PPARGC1A: variants seen among roughly 807,000 people sequenced by gnomAD.
PPARGC1A encodes the protein peroxisome proliferator-activated receptor gamma coactivator 1-alpha.
In PPARGC1A, 25 loss-of-function variants were observed where a neutral mutation model predicts 88.7. That is an observed-to-expected ratio of 0.28 (90% CI 0.21 to 0.39). The LOEUF is 0.39. Among genes scored for constraint, PPARGC1A ranks in the 10% least tolerant of loss-of-function variants. PPARGC1A has a pLI of 1.00. For synonymous variants in PPARGC1A, 363 were observed against 355.6 expected (o/e 1.02, Z -0.24); for missense variants, 880 against 968.7 (o/e 0.91, Z 1.22).
chr4:23,872,527 G>A (rs1209022883), intron 2 of PPARGC1A, among the ~76,000 whole-genome samples: 1 of 152,156 alleles, frequency 6.6e-6, no homozygotes, highest in African/African-American at 2.4e-5. Context: ...TCCATTTCAA[G>A]GTGAAGGCAT....
At chr4:24,051,124 C>A in the PPARGC1A span, among the ~76,000 whole-genome samples, 1 of 124,874 alleles carries the variant, frequency 8.0e-6, no homozygotes, top group East Asian at 2.8e-4. Context: ...GGAGGCAGAG[C>A]TTGCAGTGAG....
chr4:24,299,647 G>C, the PPARGC1A span, among the ~76,000 whole-genome samples: 1 of 152,066 alleles, frequency 6.6e-6, no homozygotes, highest in Non-Finnish European at 1.5e-5. Context: ...TATGGGCATG[G>C]ATTGGTATCC....
the PPARGC1A span, among the ~76,000 whole-genome samples, chr4:23,987,739 A>G: frequency 3.3e-5 from 5 of 152,024 alleles, no homozygotes; most frequent in African/African-American, 1.2e-4. Context: ...TCACCATGGT[A>G]TCCATAGCTC....
the PPARGC1A span, among the ~76,000 whole-genome samples, chr4:23,957,954 G>A: frequency 2.0e-5 from 3 of 152,032 alleles, no homozygotes; most frequent in African/African-American, 7.2e-5. Flanking sequence ...TCCATTTGGG[G>A]CCTGAAAATT....
the PPARGC1A span, among the ~76,000 whole-genome samples, chr4:24,277,074 C>G: frequency 1.3e-5 from 2 of 152,034 alleles, no homozygotes; most frequent in Non-Finnish European, 2.9e-5. Context: ...CACATGTAGA[C>G]CTTAGGGATT....
upstream of PPARGC1A, among the ~76,000 whole-genome samples, chr4:23,900,150 A>C (rs1386529664): frequency 6.6e-6 from 1 of 152,198 alleles, no homozygotes; most frequent in African/African-American, 2.4e-5. Context: ...AAGCCACTTT[A>C]AGTTTCTCGA....
At chr4:24,130,944 C>T in the PPARGC1A span, among the ~76,000 whole-genome samples, 1 of 152,276 alleles carries the variant, frequency 6.6e-6, no homozygotes, top group Middle Eastern at 3.4e-3. Flanking sequence ...TCTCACCACT[C>T]TGTGCCCAGC....
chr4:23,814,572 G>A lies in PPARGC1A; in HGVS notation c.911C>T (p.Ala304Val), dbSNP rs200841362. The change falls in exon 8 of 13, where the codon GCC becomes GTC. Residue 304 changes from alanine (A) to valine (V), a missense_variant. Ala to Val is a moderately conservative substitution (Grantham distance 64). Coordinates refer to ENST00000264867, the MANE Select transcript of PPARGC1A (RefSeq NM_013261.5). ...AGCCCTAAAAGGGTTATCTTGGTTG[G>A]CTTTATGAGGAGGAGTGGTGGGTGG... ...LTPPTTPPHK[A>V]NQDNPFRASP... 321 of 1,607,356 alleles carry A rather than the reference G, an allele frequency of 2.0e-4. No homozygotes were observed. The highest frequency in any genetic ancestry group is 3.1e-4 in the Admixed American group (18 of 58,642).
the PPARGC1A span, among the ~76,000 whole-genome samples, chr4:24,000,177 A>C: frequency 6.6e-6 from 1 of 152,048 alleles, no homozygotes; most frequent in Non-Finnish European, 1.5e-5. Flanking sequence ...TTCCACATTC[A>C]GGCCAACGAA....
chr4:24,424,636 G>A, the PPARGC1A span, among the ~76,000 whole-genome samples: 1 of 152,138 alleles, frequency 6.6e-6, no homozygotes, highest in Non-Finnish European at 1.5e-5. Flanking sequence ...GCTAAATCCA[G>A]AAGGAACTAT....
At chr4:24,429,947 G>T in the PPARGC1A span, among the ~76,000 whole-genome samples, 1 of 152,036 alleles carries the variant, frequency 6.6e-6, no homozygotes, top group South Asian at 2.1e-4. Flanking sequence ...CACCGCACCT[G>T]GTCTGACAGT....
chr4:24,050,564 T>C, the PPARGC1A span, among the ~76,000 whole-genome samples: 1 of 152,138 alleles, frequency 6.6e-6, no homozygotes, highest in Non-Finnish European at 1.5e-5. Flanking sequence ...CTCCTGTCTG[T>C]AATTTACTTA....
chr4:23,839,985 C>T (rs1726769408), intron 2 of PPARGC1A, among the ~76,000 whole-genome samples: 2 of 152,134 alleles, frequency 1.3e-5, no homozygotes, highest in East Asian at 3.9e-4. Context: ...GGTGGGGACA[C>T]AGAGCCAAAC....
the PPARGC1A span, among the ~76,000 whole-genome samples, chr4:23,973,004 T>C: frequency 6.6e-6 from 1 of 152,172 alleles, no homozygotes; most frequent in Non-Finnish European, 1.5e-5. Context: ...TGCATTATTA[T>C]TCAATTGCAG....
chr4:23,971,933 T>C, the PPARGC1A span, among the ~76,000 whole-genome samples: 15 of 152,004 alleles, frequency 9.9e-5, no homozygotes, highest in Non-Finnish European at 1.8e-4. Context: ...ATTATATATA[T>C]ACATATATTT....
chr4:24,306,265 A>G, the PPARGC1A span, among the ~76,000 whole-genome samples: 3 of 151,858 alleles, frequency 2.0e-5, no homozygotes, highest in Admixed American at 6.6e-5. Context: ...CACATCAGTG[A>G]TTTTTTTTTC....
chr4:24,194,661 CACACACA>C, the PPARGC1A span, among the ~76,000 whole-genome samples: 11 of 19,694 alleles, frequency 5.6e-4, no homozygotes, highest in South Asian at 4.6e-3. Context: ...CACACACACA[CACACACA>C]CCCCCATCAA....
At chr4:23,876,510 A>G (rs1287085867) in intron 2 of PPARGC1A, among the ~76,000 whole-genome samples, 1 of 152,092 alleles carries the variant, frequency 6.6e-6, no homozygotes, top group Non-Finnish European at 1.5e-5. Context: ...TGTGAGGAGG[A>G]CCCTGGAACT....
the PPARGC1A span, among the ~76,000 whole-genome samples, chr4:24,469,129 A>ACATTT: frequency 6.6e-6 from 1 of 152,244 alleles, no homozygotes; most frequent in Non-Finnish European, 1.5e-5. Flanking sequence ...GGCAGCAATC[A>ACATTT]GGGTAAAATC....
Sources: allele counts gnomAD v4.1 joint callset (sites outside exome capture counted in the v4.1 genomes callset), GRCh38; gene constraint gnomAD v4.1.1; transcripts MANE v1.5; gene names NCBI Gene and HGNC (gene_info 2026-07-23, HGNC 2026-07-21).